EHD4: variants seen among roughly 807,000 people sequenced by gnomAD.
EHD4 encodes the protein EH domain containing 4.
A neutral mutation model predicts 51.0 loss-of-function variants in EHD4; 37 were observed. The ratio of observed to expected loss-of-function variants is 0.73; its 90% CI spans 0.56 to 0.95. EHD4 has a LOEUF of 0.95. Among genes scored for constraint, EHD4 ranks in the 40% least tolerant of loss-of-function variants. EHD4 has a pLI of 0.00. For missense variants in EHD4, 632 were observed against 733.1 expected, an observed-to-expected ratio of 0.86 and a Z score of 1.59; for synonymous variants, 297 against 317.3, an observed-to-expected ratio of 0.94 and a Z score of 0.68.
intron 2 of EHD4, among the ~76,000 whole-genome samples, chr15:41,950,808 C>T (rs1158100243): frequency 6.6e-6 from 1 of 152,138 alleles, no homozygotes; most frequent in Non-Finnish European, 1.5e-5. Flanking sequence ...CCCTCTCTGC[C>T]TCTTCCTGAT....
intron 2 of EHD4, 136 bp downstream of exon 2, chr15:41,953,628 G>T: frequency 1.0e-6 from 1 of 994,944 alleles, no homozygotes; most frequent in Non-Finnish European, 1.5e-6. Flanking sequence ...ATCTTAATAT[G>T]ATAAACATAT....
chr15:41,956,390 A>G (rs1041099611), intron 1 of EHD4, among the ~76,000 whole-genome samples: 2 of 152,216 alleles, frequency 1.3e-5, no homozygotes, highest in Non-Finnish European at 2.9e-5. Flanking sequence ...TGAGTCCCCC[A>G]GCTGGACAAT....
At chr15:41,935,227 C>A (rs1009656650) in intron 3 of EHD4, among the ~76,000 whole-genome samples, 4 of 152,184 alleles carry the variant, frequency 2.6e-5, no homozygotes, top group Non-Finnish European at 4.4e-5. Context: ...GACTGCCCAC[C>A]CCTTGCTGTG....
intron 1 of EHD4, among the ~76,000 whole-genome samples, chr15:41,955,867 A>G (rs2067884142): frequency 6.6e-6 from 1 of 152,164 alleles, no homozygotes; most frequent in African/African-American, 2.4e-5. Context: ...TCAAGGGTGA[A>G]GACATTCAGC....
At position 41,899,027 on chromosome 15, in the gene EHD4, A is replaced by C. The variant is rs1467232708; in HGVS notation, c.*1618T>G. ...TCTCCCAAATCAAGATTTTCTCTTC[A>C]ATCTGTGCCTTTGACCCTGTCACCA... On this transcript the variant is annotated 3_prime_UTR_variant, in exon 6 of 6. Coordinates refer to ENST00000220325, the MANE Select transcript of EHD4 (RefSeq NM_139265.4). The C allele has an allele frequency of 6.6e-6, 1 of 151,826 alleles. No individual in the cohort carries two copies. The highest frequency in any genetic ancestry group is 1.5e-5 in the Non-Finnish European group (1 of 68,014). 9.4% of individuals were successfully genotyped at this position (151,826 alleles called of 1,614,324 possible).
In EHD4 at chr15:41,902,837, A is replaced by ATG. The variant is rs1555473785; in HGVS notation, c.1090-1658_1090-1657dup. Among the ~76,000 whole-genome samples, 16 of 103,092 alleles carry ATG rather than the reference A, an allele frequency of 1.6e-4. No individual in the cohort carries two copies. In the South Asian group the frequency reaches 2.9e-3, roughly 19 times the overall value. 67.6% of individuals were successfully genotyped at this position (103,092 alleles called of 152,430 possible). On this transcript the variant is annotated intron_variant, in intron 5 of 5. Transcript: ENST00000220325. Reference sequence around the variant, plus strand: ...TATATATGTATGTATATATATACATATGTATATATATATGTTAGGGAGAGG... The same window carrying ATG: ...TATATATGTATGTATATATATACATATGTGTATATATATATGTTAGGGAGAGG...
intron 4 of EHD4, among the ~76,000 whole-genome samples, chr15:41,913,112 G>A (rs895622028): frequency 2.6e-5 from 4 of 152,192 alleles, no homozygotes; most frequent in Non-Finnish European, 5.9e-5. Context: ...CGGACACAAT[G>A]ATGGCACACA....
rs143229312 is a variant in EHD4 at position 41,900,792 on chromosome 15, G to A, written c.1479C>T (p.Cys493=). Reference sequence around the variant, plus strand: ...CCTCATCAAGCATGCCGTCGCAGTCGCAGTCGGCCAGCTTCCAGATCTTGC... The same window carrying A: ...CCTCATCAAGCATGCCGTCGCAGTCACAGTCGGCCAGCTTCCAGATCTTGC... The part of the protein sequence containing the change: ...VLGKIWKLAD[C]DCDGMLDEEE... The change falls in exon 6 of 6, where the codon TGC becomes TGT. Residue 493 remains cysteine, a synonymous_variant. Transcript: ENST00000220325. This position sits in a 1 kb window ranked among gnomAD's most constrained non-coding sequence, Gnocchi z 4.8. The A allele has an allele frequency of 9.9e-6, 16 of 1,614,030 alleles. No individual in the cohort carries two copies. The highest frequency in any genetic ancestry group is 4.0e-5 in the African/African-American group (3 of 74,914).
chr15:41,905,788 C>T (rs1163493279), intron 5 of EHD4, among the ~76,000 whole-genome samples: 1 of 152,176 alleles, frequency 6.6e-6, no homozygotes, highest in East Asian at 1.9e-4. Flanking sequence ...TCCCACCTCA[C>T]CCTCTCAACT....
intron 1 of EHD4, among the ~76,000 whole-genome samples, chr15:41,956,441 G>T (rs945013314): frequency 1.3e-5 from 2 of 152,344 alleles, no homozygotes; most frequent in South Asian, 4.1e-4. Context: ...CATCACTGTC[G>T]AGGAGTGCCT....
intron 4 of EHD4, among the ~76,000 whole-genome samples, chr15:41,914,741 A>C (rs1394524777): frequency 6.6e-6 from 1 of 151,928 alleles, no homozygotes; most frequent in Non-Finnish European, 1.5e-5. Flanking sequence ...CTTTAGCCTG[A>C]ATCCATTTGG....
chr15:41,953,020 A>AAAAAAAC (rs2067863695), intron 2 of EHD4, among the ~76,000 whole-genome samples: 1 of 134,450 alleles, frequency 7.4e-6, no homozygotes, highest in South Asian at 2.5e-4. Flanking sequence ...AAAAAAAAAA[A>AAAAAAAC]ACGACCACGT....
chr15:41,953,966 G>A (rs761011979), intron 1 of EHD4, 26 bp from the exon 2 acceptor site: 3 of 1,604,548 alleles, frequency 1.9e-6, no homozygotes, highest in Admixed American at 1.7e-5. Context: ...AGAAGAGAAA[G>A]CTTAGCATCT....
Position 41,972,514 on chromosome 15 carries a change from C to T in EHD4, c.-20G>A, listed in dbSNP as rs980118180. On this transcript the variant is annotated 5_prime_UTR_variant, in exon 1 of 6. Transcript: ENST00000220325. ...GAACATCCTGCCGCCAGTCCACGCT[C>T]GGATGGGACCCTGCTCCGGGTTCGA... The T allele has an allele frequency of 1.1e-5, 17 of 1,486,736 alleles. No homozygotes were observed. Among genetic ancestry groups the T allele is most frequent in the African/African-American group, 5.8e-5 (4 of 68,974 alleles). 92.1% of individuals were successfully genotyped at this position (1,486,736 alleles called of 1,614,324 possible).
In EHD4 at chr15:41,900,299, G is replaced by A. The variant is rs1340048189; in HGVS notation, c.*346C>T. On this transcript the variant is annotated 3_prime_UTR_variant, in exon 6 of 6. Coordinates refer to ENST00000220325, the MANE Select transcript of EHD4 (RefSeq NM_139265.4). This position sits in a 1 kb window ranked among gnomAD's most constrained non-coding sequence, Gnocchi z 4.8. ...GGCAGCCTGGAGACCCAGCTGCTCT[G>A]GGTGAGCCTTAGCTCACTTCCTGTG... is the stretch of plus-strand genomic sequence containing the variant. 1 of 274,724 alleles carries A rather than the reference G, an allele frequency of 3.6e-6. No homozygotes were observed. Among genetic ancestry groups the A allele is most frequent in the African/African-American group, 2.2e-5 (1 of 45,556 alleles). 17.0% of individuals were successfully genotyped at this position (274,724 alleles called of 1,614,324 possible).
intron 5 of EHD4, 127 bp from the exon 6 acceptor site, chr15:41,901,308 T>A: frequency 1.1e-6 from 1 of 932,786 alleles, no homozygotes. Flanking sequence ...GAGTGCACTC[T>A]TTGGGAGCTT....
At chr15:41,929,770 C>T (rs560600083) in intron 3 of EHD4, among the ~76,000 whole-genome samples, 17 of 152,110 alleles carry the variant, frequency 1.1e-4, no homozygotes, top group Non-Finnish European at 1.2e-4. Flanking sequence ...TAAATTTTAG[C>T]TATATAGGGT....
chr15:41,939,073 TC>T (rs1203449707), intron 3 of EHD4, among the ~76,000 whole-genome samples: 1 of 152,160 alleles, frequency 6.6e-6, no homozygotes, highest in Non-Finnish European at 1.5e-5. Context: ...CTCTTTCTTC[TC>T]ATCGCAGAGT....
At chr15:41,909,944 C>T (rs528856549) in intron 4 of EHD4, 81 bp from the exon 5 acceptor site, 1 of 1,537,324 alleles carries the variant, frequency 6.5e-7, no homozygotes, top group African/African-American at 1.4e-5. Context: ...ATCTTAACTC[C>T]ATCATAACAC....
Sources: gnomAD v4.1 joint callset for allele counts (sites outside exome capture counted in the v4.1 genomes callset) on GRCh38, gnomAD v4.1.1 for gene constraint, Gnocchi (gnomAD v3.1) non-coding constraint, MANE v1.5 for transcripts, NCBI Gene and HGNC (gene_info 2026-07-23, HGNC 2026-07-21) for gene names.